AGPS: variants seen among roughly 807,000 people sequenced by gnomAD.
AGPS encodes alkyldihydroxyacetonephosphate synthase, peroxisomal.
AGPS carries 26 observed loss-of-function variants against 90.7 expected under a neutral mutation model. The ratio of observed to expected loss-of-function variants is 0.29; its 90% CI spans 0.21 to 0.40. The LOEUF is 0.40. Ranked by LOEUF, AGPS falls within the 10% of genes least tolerant of loss-of-function variation. The pLI, the probability that AGPS is intolerant of heterozygous loss-of-function variation, is 1.00. For synonymous variants in AGPS, 294 were observed against 285.3 expected (o/e 1.03, Z -0.31); for missense variants, 540 against 816.1 (o/e 0.66, Z 4.12).
chr2:177,467,976 T>C (rs1687504322), intron 9 of AGPS, among the ~76,000 whole-genome samples: 1 of 152,100 alleles, frequency 6.6e-6, no homozygotes. Context: ...TAAGTGGGAT[T>C]GAAGGTGGGG....
intron 5 of AGPS, 130 bp from the exon 6 acceptor site, chr2:177,440,835 A>G (rs980053424): frequency 1.4e-6 from 1 of 724,486 alleles, no homozygotes; most frequent in Middle Eastern, 2.6e-4. Context: ...TACTCAATTA[A>G]CTCATTGTGT....
At chr2:177,399,028 A>C (rs1375030099) in intron 1 of AGPS, among the ~76,000 whole-genome samples, 4 of 152,224 alleles carry the variant, frequency 2.6e-5, no homozygotes, top group Non-Finnish European at 5.9e-5. Context: ...ATTGCATTTT[A>C]AGATGGACCA....
chr2:177,509,437 C>T (rs1574020923), intron 16 of AGPS, among the ~76,000 whole-genome samples: 1 of 152,014 alleles, frequency 6.6e-6, no homozygotes, highest in Admixed American at 6.6e-5. Context: ...GAGGCCGAGA[C>T]GGGCAGATCA....
chr2:177,482,734 G>A (rs1173748771), intron 11 of AGPS, among the ~76,000 whole-genome samples: 1 of 151,958 alleles, frequency 6.6e-6, no homozygotes. Flanking sequence ...TATACTATGT[G>A]TAATAAGCTA....
At chr2:177,466,889 G>A (rs1687470712) in intron 9 of AGPS, among the ~76,000 whole-genome samples, 1 of 151,996 alleles carries the variant, frequency 6.6e-6, no homozygotes, top group Admixed American at 6.6e-5. Context: ...GTGTCCAGGA[G>A]GGTAGGATTC....
chr2:177,401,350 T>A (rs1685325700), intron 1 of AGPS, among the ~76,000 whole-genome samples: 9 of 152,188 alleles, frequency 5.9e-5, no homozygotes, highest in Admixed American at 3.9e-4. Context: ...AACTTTCTTT[T>A]GAATTTATTC....
intron 11 of AGPS, among the ~76,000 whole-genome samples, chr2:177,488,077 G>A (rs1688146722): frequency 6.6e-6 from 1 of 152,076 alleles, no homozygotes; most frequent in South Asian, 2.1e-4. Context: ...AATAACTGTA[G>A]CCTTAAATAG....
At chr2:177,440,297 A>G (rs917182532) in intron 5 of AGPS, among the ~76,000 whole-genome samples, 4 of 152,136 alleles carry the variant, frequency 2.6e-5, no homozygotes, top group African/African-American at 7.2e-5. Flanking sequence ...CAAATGCTGT[A>G]TTAATAAGTT....
At chr2:177,536,453 T>C (rs1273562271) in intron 19 of AGPS, among the ~76,000 whole-genome samples, 1 of 151,960 alleles carries the variant, frequency 6.6e-6, no homozygotes, top group Non-Finnish European at 1.5e-5. Flanking sequence ...AAAAAACTGA[T>C]TTTTAACTTT....
intron 10 of AGPS, among the ~76,000 whole-genome samples, chr2:177,480,919 C>T (rs184748590): frequency 2.0e-5 from 3 of 152,032 alleles, no homozygotes; most frequent in Admixed American, 1.3e-4. Context: ...AAATATTTAT[C>T]AAGCCAAACT....
chr2:177,466,944 G>C (rs1391910827), intron 9 of AGPS, among the ~76,000 whole-genome samples: 2 of 152,140 alleles, frequency 1.3e-5, no homozygotes, highest in South Asian at 2.1e-4. Context: ...CCTGGATCCA[G>C]AGCCACAGCT....
In AGPS at chr2:177,523,771, T is replaced by C. The variant is rs1181850906; in HGVS notation, c.1821T>C (p.Leu607=). The stretch of plus-strand genomic sequence containing the variant: ...AGGCAGCTGCTAGAGAAGAAATCCT[T>C]GCTAATGGAGGGAGCCTGTCACATC... ...QTEAAAREEI[L]ANGGSLSHHH... Residue 607 remains leucine (L), a synonymous_variant, in exon 19 of 20, where the codon CTT becomes CTC. Coordinates refer to ENST00000264167, the MANE Select transcript of AGPS (RefSeq NM_003659.4). 6.2e-7 allele frequency: 1 copy of C among 1,614,042 alleles called. No individual in the cohort carries two copies. The highest frequency in any genetic ancestry group is 2.2e-5 in the East Asian group (1 of 44,872).
chr2:177,481,580 G>A (rs910992713), intron 10 of AGPS, among the ~76,000 whole-genome samples: 1 of 151,770 alleles, frequency 6.6e-6, no homozygotes, highest in African/African-American at 2.4e-5. Flanking sequence ...AGGAAAAAAA[G>A]CAAGATAATA....
intron 1 of AGPS, among the ~76,000 whole-genome samples, chr2:177,406,532 G>T (rs189698660): frequency 6.6e-6 from 1 of 152,306 alleles, no homozygotes; most frequent in African/African-American, 2.4e-5. Flanking sequence ...AGAGGACATG[G>T]TGTGTATAAG....
At chr2:177,537,706 A>C (rs2017071248) in intron 19 of AGPS, among the ~76,000 whole-genome samples, 4 of 152,068 alleles carry the variant, frequency 2.6e-5, no homozygotes, top group Admixed American at 2.6e-4. Flanking sequence ...TTCTTTAGTT[A>C]ACTTCATTTT....
intron 1 of AGPS, among the ~76,000 whole-genome samples, chr2:177,410,770 T>C (rs1685597762): frequency 6.6e-6 from 1 of 152,046 alleles, no homozygotes; most frequent in Non-Finnish European, 1.5e-5. Flanking sequence ...TACCCGGGGC[T>C]CTGTGAGGGT....
At chr2:177,494,119 A>G (rs1382220108) in intron 12 of AGPS, among the ~76,000 whole-genome samples, 3 of 152,222 alleles carry the variant, frequency 2.0e-5, no homozygotes, top group Non-Finnish European at 4.4e-5. Flanking sequence ...TACCCTCAAA[A>G]CAATTCCTAA....
At chr2:177,411,898 G>C (rs773641569) in intron 1 of AGPS, among the ~76,000 whole-genome samples, 4 of 152,132 alleles carry the variant, frequency 2.6e-5, no homozygotes, top group Non-Finnish European at 4.4e-5. Flanking sequence ...GGATAAGCTG[G>C]GTAGAAATCG....
At chr2:177,536,393 T>G (rs989764821) in intron 19 of AGPS, among the ~76,000 whole-genome samples, 14 of 151,342 alleles carry the variant, frequency 9.3e-5, no homozygotes, top group Non-Finnish European at 1.8e-4. Context: ...CCTTTTACCA[T>G]TCACAGAGTA....
Sources: allele counts gnomAD v4.1 joint callset (sites outside exome capture counted in the v4.1 genomes callset), GRCh38; gene constraint gnomAD v4.1.1; transcripts MANE v1.5; gene names NCBI Gene and HGNC (gene_info 2026-07-23, HGNC 2026-07-21).